Variants in TOX2 observed in about 807,000 individuals in gnomAD.
TOX2 encodes the protein TOX high mobility group box family member 2.
TOX2 carries 15 observed loss-of-function variants against 47.4 expected under a neutral mutation model. The observed-to-expected ratio is 0.32, with a 90% CI of 0.21 to 0.49. The LOEUF (loss-of-function observed/expected upper bound fraction) is 0.49, where lower values mean the gene tolerates loss of function less well. Ranked by LOEUF, TOX2 falls within the 20% of genes least tolerant of loss-of-function variation. TOX2 has a pLI of 0.99. For missense variants in TOX2, 622 were observed against 673.1 expected, an observed-to-expected ratio of 0.92 and a Z score of 0.84; for synonymous variants, 290 against 296.6, an observed-to-expected ratio of 0.98 and a Z score of 0.23.
chr20:44,059,153 TC>T (rs1196825019), intron 5 of TOX2, among the ~76,000 whole-genome samples: 2 of 152,124 alleles, frequency 1.3e-5, no homozygotes, highest in East Asian at 1.9e-4. Flanking sequence ...TGGAAAAATC[TC>T]CAGTGAAATA....
At chr20:44,017,964 A>G (rs1352134545) in intron 3 of TOX2, among the ~76,000 whole-genome samples, 1 of 152,228 alleles carries the variant, frequency 6.6e-6, no homozygotes, top group Non-Finnish European at 1.5e-5. Context: ...TTATCTGCCC[A>G]GCTCTGAGTT....
At chr20:43,959,558 C>A (rs751830927) in intron 1 of TOX2, among the ~76,000 whole-genome samples, 1 of 152,176 alleles carries the variant, frequency 6.6e-6, no homozygotes, top group Admixed American at 6.5e-5. Flanking sequence ...GCTCCAAGAT[C>A]GAACGCTGTC....
At position 44,065,868 on chromosome 20, in the gene TOX2, C is replaced by T. The variant is rs867920288; in HGVS notation, c.1117C>T (p.Leu373Phe). The T allele has an allele frequency of 2.5e-6, 4 of 1,613,290 alleles. No individual in the cohort carries two copies. In the African/African-American group the frequency reaches 5.3e-5, roughly 22 times the overall value. The change falls in exon 7 of 9, where the codon CTC becomes TTC. Residue 373 changes from leucine (L) to phenylalanine (F), a missense_variant. Coordinates refer to ENST00000341197, the MANE Select transcript of TOX2 (RefSeq NM_001098797.2). ...CCGCAGTGGGGCCTCCCCTGCCAGC[C>T]TCGCCCGGACGCTGGGCTCCAAGTC... ...AFRSGASPASLARTLGSKSLL... is the reference protein window; with the variant it reads ...AFRSGASPASFARTLGSKSLL...
chr20:44,021,448 CCTCTT>C (rs1299442112), intron 3 of TOX2, among the ~76,000 whole-genome samples: 1 of 152,172 alleles, frequency 6.6e-6, no homozygotes, highest in Non-Finnish European at 1.5e-5. Context: ...CCACAGGACT[CCTCTT>C]CTCCTTTGGG....
At chr20:43,934,348 C>G (rs971406311) in intron 1 of TOX2, among the ~76,000 whole-genome samples, 1 of 152,182 alleles carries the variant, frequency 6.6e-6, no homozygotes, top group African/African-American at 2.4e-5. Context: ...ATTTCACTTA[C>G]GTTATTTATT....
intron 2 of TOX2, among the ~76,000 whole-genome samples, chr20:43,976,389 A>G (rs1031309405): frequency 6.6e-6 from 1 of 152,220 alleles, no homozygotes; most frequent in Non-Finnish European, 1.5e-5. Context: ...TTCACATGGT[A>G]GGAGAAGGGT....
intron 1 of TOX2, among the ~76,000 whole-genome samples, chr20:43,960,342 G>A (rs1212182700): frequency 1.3e-5 from 2 of 152,178 alleles, no homozygotes; most frequent in Admixed American, 1.3e-4. Context: ...GGTGCCTTTG[G>A]TGGAAAGAGG....
chr20:43,922,218 G>A (rs143768504), intron 1 of TOX2, among the ~76,000 whole-genome samples: 5 of 152,156 alleles, frequency 3.3e-5, no homozygotes, highest in African/African-American at 1.2e-4. Context: ...TCCCAGCCTC[G>A]GCGCTATTGA....
intron 1 of TOX2, among the ~76,000 whole-genome samples, chr20:43,950,140 C>A (rs1380666696): frequency 6.6e-6 from 1 of 152,118 alleles, no homozygotes; most frequent in African/African-American, 2.4e-5. Flanking sequence ...GAATGTTTAA[C>A]CCCTCACATC....
At chr20:43,999,462 A>T (rs1213829060) in intron 2 of TOX2, among the ~76,000 whole-genome samples, 1 of 151,798 alleles carries the variant, frequency 6.6e-6, no homozygotes, top group Non-Finnish European at 1.5e-5. Flanking sequence ...AAAGGAAACT[A>T]AAAAAAAATT....
intron 2 of TOX2, among the ~76,000 whole-genome samples, chr20:43,973,700 C>A (rs771718072): frequency 6.6e-6 from 1 of 152,236 alleles, no homozygotes; most frequent in East Asian, 1.9e-4. Context: ...ATACTCCCCA[C>A]GCTTGGGGCA....
At chr20:44,068,436 C>G (rs1051313043) in intron 8 of TOX2, among the ~76,000 whole-genome samples, 1 of 144,242 alleles carries the variant, frequency 6.9e-6, no homozygotes, top group African/African-American at 2.5e-5. Context: ...AGCTGAGGAC[C>G]GGGTGGTCCC....
intron 1 of TOX2, among the ~76,000 whole-genome samples, chr20:43,964,675 C>T (rs918799733): frequency 6.6e-6 from 1 of 152,172 alleles, no homozygotes; most frequent in East Asian, 1.9e-4. Flanking sequence ...GTTCAGACTT[C>T]CTGGGTGGCT....
rs573009794 is a variant in TOX2, at chr20:44,019,679, C to T, written c.411+12887C>T. 2.0e-5 allele frequency among the ~76,000 whole-genome samples: 3 copies of T among 152,240 alleles called. No homozygotes were observed. The East Asian group carries it at 5.8e-4, about 29-fold the overall frequency. On this transcript the variant is annotated intron_variant, in intron 3 of 8. Transcript: ENST00000341197. ...AGCTGTGGGACTGGGATGCTGGAGC[C>T]CTGAGGAATCTCTAACTAACTAACT...
intron 1 of TOX2, among the ~76,000 whole-genome samples, chr20:43,920,011 A>T (rs4812764): frequency 2.6e-5 from 4 of 152,014 alleles, no homozygotes; most frequent in African/African-American, 7.3e-5. Flanking sequence ...GATTGGATTC[A>T]GTTGGTCTGG....
chr20:43,956,394 C>G (rs546534782), intron 1 of TOX2, among the ~76,000 whole-genome samples: 1 of 152,152 alleles, frequency 6.6e-6, no homozygotes, highest in South Asian at 2.1e-4. Context: ...AACCCCATCT[C>G]TACTAAAGAT....
chr20:44,029,979 G>A (rs1391113802), intron 3 of TOX2, among the ~76,000 whole-genome samples: 1 of 152,010 alleles, frequency 6.6e-6, no homozygotes, highest in Non-Finnish European at 1.5e-5. Context: ...CACCCCTCAG[G>A]CCACCCTTTT....
chr20:44,056,636 A>ATATT (rs1407995063), intron 5 of TOX2, among the ~76,000 whole-genome samples: 1 of 152,124 alleles, frequency 6.6e-6, no homozygotes, highest in Non-Finnish European at 1.5e-5. Context: ...AACTTGGCAT[A>ATATT]TATTTATTTC....
intron 2 of TOX2, among the ~76,000 whole-genome samples, chr20:44,005,052 CTG>C (rs1209834910): frequency 2.0e-5 from 3 of 152,320 alleles, no homozygotes; most frequent in African/African-American, 7.2e-5. Context: ...CAAAACATCA[CTG>C]TGTACCCCAT....
Sources: gnomAD v4.1 joint callset for allele counts (sites outside exome capture counted in the v4.1 genomes callset) on GRCh38, gnomAD v4.1.1 for gene constraint, MANE v1.5 for transcripts, NCBI Gene and HGNC (gene_info 2026-07-23, HGNC 2026-07-21) for gene names.